Variants in BHMT observed in about 807,000 individuals in gnomAD.
The protein encoded by BHMT is betaine--homocysteine S-methyltransferase 1.
Under a neutral mutation model 49.5 loss-of-function variants are expected in BHMT, and 38 were observed. That is an observed-to-expected ratio of 0.77 (90% CI 0.59 to 1.01). The LOEUF is 1.01. Among genes scored for constraint, BHMT ranks in the 50% least tolerant of loss-of-function variants. The pLI, the probability that BHMT is intolerant of heterozygous loss-of-function variation, is 0.00. For missense variants in BHMT, 426 were observed against 495.7 expected, an observed-to-expected ratio of 0.86 and a Z score of 1.34; for synonymous variants, 166 against 176.3, an observed-to-expected ratio of 0.94 and a Z score of 0.46.
Position 79,132,130 on chromosome 5 carries a change from A to G in BHMT, c.*1014A>G, listed in dbSNP as rs921788904. ...ATAATTTAATATCTACTCTCCTACA[A>G]AAGCTCAAGCCTGAAGATACAAGAC... is the stretch of plus-strand genomic sequence containing the variant. On this transcript the variant is annotated 3_prime_UTR_variant, in exon 8 of 8. Transcript: ENST00000274353. 6.6e-6 allele frequency: 1 copy of G among 152,232 alleles called. No individual in the cohort carries two copies. Among genetic ancestry groups the G allele is most frequent in the African/African-American group, 2.4e-5 (1 of 41,464 alleles). The allele number at this position is 152,232 out of a possible 1,614,324, so 9.4% of individuals were successfully genotyped here.
rs1756645563 is a variant in BHMT, at chr5:79,131,709, T to C, written c.*593T>C. 6.6e-6 allele frequency: 1 copy of C among 152,262 alleles called. No individual in the cohort carries two copies. Among genetic ancestry groups the C allele is most frequent in the Non-Finnish European group, 1.5e-5 (1 of 68,060 alleles). The allele number at this position is 152,262 out of a possible 1,614,324, so 9.4% of individuals were successfully genotyped here. A position where few individuals can be genotyped will look rare whatever the true frequency, so the allele number is the denominator to read the frequency against. ...TTTCAAATGGATTTTTATGACCCAC[T>C]ACTGGGTTTGGATCCACAGTTTGAA... is the stretch of plus-strand genomic sequence containing the variant. On this transcript the variant is annotated 3_prime_UTR_variant, in exon 8 of 8. Coordinates refer to ENST00000274353, the MANE Select transcript of BHMT (RefSeq NM_001713.3).
intron 2 of BHMT, among the ~76,000 whole-genome samples, chr5:79,118,160 A>G (rs1030577128): frequency 1.1e-4 from 17 of 152,160 alleles, no homozygotes; most frequent in African/African-American, 4.1e-4. Context: ...AAATCCCACC[A>G]TATTTCCTCC....
intron 3 of BHMT, chr5:79,119,609 T>A: frequency 2.8e-6 from 1 of 353,844 alleles, no homozygotes; most frequent in East Asian, 5.1e-5. Flanking sequence ...GATTAATGAT[T>A]CTCCCAGTCT....
In BHMT at chr5:79,111,849, C is replaced by A. The variant is rs767813253; in HGVS notation, c.-37C>A. On this transcript the variant is annotated 5_prime_UTR_variant, in exon 1 of 8. Coordinates refer to ENST00000274353, the MANE Select transcript of BHMT (RefSeq NM_001713.3). ...AGCGGGAAGGCTCGCCTAGTCGGTC[C>A]GCATCCGTGTCGACCACCTGTCTGG... The A allele has an allele frequency of 2.5e-6, 4 of 1,610,976 alleles. No individual in the cohort carries two copies. The highest frequency in any genetic ancestry group is 3.4e-6 in the Non-Finnish European group (4 of 1,178,722).
At chr5:79,129,111 C>T (rs186571339) in intron 7 of BHMT, among the ~76,000 whole-genome samples, 137 of 152,336 alleles carry the variant, frequency 9.0e-4, no homozygotes, top group African/African-American at 3.1e-3. Flanking sequence ...AGCAGTTCCA[C>T]TCTGTTCAGC....
rs112465831 is a variant in BHMT at position 79,112,151 on chromosome 5, C to G, written c.33+233C>G. 5.5e-3 allele frequency among the ~76,000 whole-genome samples: 845 copies of G among 152,266 alleles called. 4 individuals carry two copies. Among genetic ancestry groups the G allele is most frequent in the Non-Finnish European group, 9.2e-3 (629 of 68,004 alleles). On this transcript the variant is annotated intron_variant, in intron 1 of 7. Coordinates refer to ENST00000274353, the MANE Select transcript of BHMT (RefSeq NM_001713.3). ...CCACGTTCAGAGCGCGCCCCCAGAGCGCCTCTGTCCCCTCCAGCCCCAGCC... is the reference window on the plus strand; with the variant it reads ...CCACGTTCAGAGCGCGCCCCCAGAGGGCCTCTGTCCCCTCCAGCCCCAGCC...
At chr5:79,125,294 A>G (rs1043540884) in intron 5 of BHMT, among the ~76,000 whole-genome samples, 1 of 151,950 alleles carries the variant, frequency 6.6e-6, no homozygotes, top group Non-Finnish European at 1.5e-5. Flanking sequence ...TGTCTCCACT[A>G]AAAACACAAA....
intron 5 of BHMT, among the ~76,000 whole-genome samples, chr5:79,123,516 T>C (rs1458975228): frequency 9.7e-6 from 1 of 102,906 alleles, no homozygotes; most frequent in African/African-American, 3.2e-5. Flanking sequence ...AAAAGTCCTT[T>C]TTGGTTGGTT....
At position 79,131,310 on chromosome 5, in the gene BHMT, A is replaced by C; in HGVS notation, c.*194A>C. 1 of 556,328 alleles carries C rather than the reference A, an allele frequency of 1.8e-6. No homozygotes were observed. 34.5% of individuals were successfully genotyped at this position (556,328 alleles called of 1,614,324 possible). A position where few individuals can be genotyped will look rare whatever the true frequency, so the allele number is the denominator to read the frequency against. On this transcript the variant is annotated 3_prime_UTR_variant, in exon 8 of 8. Coordinates refer to ENST00000274353, the MANE Select transcript of BHMT (RefSeq NM_001713.3). ...ATGTTTTAGAAATTTTCTTAGGAGC[A>C]AAATAAGTACAAAGTAAATCTTGAA...
intron 7 of BHMT, among the ~76,000 whole-genome samples, chr5:79,128,506 G>T (rs1756588450): frequency 7.2e-6 from 1 of 138,068 alleles, no homozygotes; most frequent in Admixed American, 8.4e-5. Flanking sequence ...CTCCAGTTTG[G>T]GCAACAGAGT....
Position 79,125,989 on chromosome 5 carries a change from C to A in BHMT, c.626-57C>A, listed in dbSNP as rs781021530. ...CTGATTCCTGATGAAGAGAGGAGAG[C>A]TGGCCCTGCTGGTTTCTGGTGCATC... On this transcript the variant is annotated intron_variant, in intron 5 of 7. Coordinates refer to ENST00000274353, the MANE Select transcript of BHMT (RefSeq NM_001713.3). 26 of 1,512,154 alleles carry A rather than the reference C, an allele frequency of 1.7e-5. 1 individual carries two copies. Among genetic ancestry groups the A allele is most frequent in the Non-Finnish European group, 2.2e-5 (24 of 1,111,530 alleles). The allele number at this position is 1,512,154 out of a possible 1,614,324, so 93.7% of individuals were successfully genotyped here.
At chr5:79,127,408 G>A (rs1437277627) in intron 6 of BHMT, among the ~76,000 whole-genome samples, 1 of 152,134 alleles carries the variant, frequency 6.6e-6, no homozygotes. Context: ...CTCCAAGAAA[G>A]TGCAAGGCAG....
chr5:79,116,316 A>G (rs1756386207), intron 2 of BHMT: 1 of 153,156 alleles, frequency 6.5e-6, no homozygotes, highest in Admixed American at 6.5e-5. Context: ...AAAAGAAAGG[A>G]GTGGTTATGC....
chr5:79,124,915 C>T (rs1051568852), intron 5 of BHMT, among the ~76,000 whole-genome samples: 12 of 152,150 alleles, frequency 7.9e-5, no homozygotes, highest in Admixed American at 2.0e-4. Context: ...CTAGCAAACA[C>T]GTGTCTAAAA....
At chr5:79,111,963 C>G in intron 1 of BHMT, 45 bp downstream of exon 1, 2 of 1,536,310 alleles carry the variant, frequency 1.3e-6, no homozygotes, top group Non-Finnish European at 1.8e-6. Context: ...CCCCTCCCAC[C>G]TGCTCTGTAT....
chr5:79,112,452 A>G (rs912988798), intron 1 of BHMT, among the ~76,000 whole-genome samples: 3 of 152,300 alleles, frequency 2.0e-5, no homozygotes, highest in Admixed American at 1.3e-4. Context: ...GGAGGAGTGC[A>G]CGGCGCTGGC....
chr5:79,119,571 C>T (rs1191462019), intron 3 of BHMT, 194 bp downstream of exon 3: 6 of 458,360 alleles, frequency 1.3e-5, no homozygotes, highest in African/African-American at 9.9e-5. Context: ...AGGCATTTAG[C>T]GAAGCAGATG....
intron 2 of BHMT, 63 bp from the exon 3 acceptor site, chr5:79,119,196 G>C: frequency 7.9e-7 from 1 of 1,269,982 alleles, no homozygotes; most frequent in Non-Finnish European, 1.1e-6. Context: ...TTATCTGAGA[G>C]CCATTTGAAA....
At chr5:79,118,299 C>T (rs917897680) in intron 2 of BHMT, among the ~76,000 whole-genome samples, 1 of 152,106 alleles carries the variant, frequency 6.6e-6, no homozygotes, top group African/African-American at 2.4e-5. Context: ...AACCCTGCCT[C>T]TACTAAAAAT....
Sources: allele counts gnomAD v4.1 joint callset (sites outside exome capture counted in the v4.1 genomes callset), GRCh38; gene constraint gnomAD v4.1.1; transcripts MANE v1.5; gene names NCBI Gene and HGNC (gene_info 2026-07-23, HGNC 2026-07-21).